MPDZ: variants seen among roughly 807,000 people sequenced by gnomAD.
MPDZ encodes multiple PDZ domain crumbs cell polarity complex component.
A neutral mutation model predicts 239.1 loss-of-function variants in MPDZ; 234 were observed. The observed-to-expected ratio is 0.98, with a 90% CI of 0.88 to 1.09. MPDZ has a LOEUF of 1.09. Ranked by LOEUF, MPDZ falls within the 50% of genes least tolerant of loss-of-function variation. The pLI is 0.00. For missense variants in MPDZ, 3,175 were observed against 2,510.0 expected (o/e 1.26, Z -5.66); for synonymous variants, 1,048 against 881.3 (o/e 1.19, Z -3.35).
intron 1 of MPDZ, among the ~76,000 whole-genome samples, chr9:13,250,645 T>A (rs1175811602): frequency 6.6e-6 from 1 of 152,158 alleles, no homozygotes; most frequent in Non-Finnish European, 1.5e-5. Flanking sequence ...CAAACATATT[T>A]CCATAAAGAG....
intron 31 of MPDZ, 96 bp from the exon 32 acceptor site, chr9:13,134,000 C>T (rs1430816257): frequency 1.8e-5 from 8 of 442,882 alleles, no homozygotes; most frequent in Non-Finnish European, 2.3e-5. Context: ...TTATTTTATA[C>T]ATTATATAAA....
intron 19 of MPDZ, among the ~76,000 whole-genome samples, chr9:13,176,634 C>G (rs925416749): frequency 2.6e-5 from 4 of 152,130 alleles, no homozygotes; most frequent in Non-Finnish European, 4.4e-5. Flanking sequence ...TCCTGAAAGT[C>G]ATACATCTCA....
At chr9:13,131,747 T>C (rs1318126071) in intron 32 of MPDZ, among the ~76,000 whole-genome samples, 1 of 152,190 alleles carries the variant, frequency 6.6e-6, no homozygotes, top group Non-Finnish European at 1.5e-5. Context: ...ACCAGCAGCA[T>C]GGCTTCTGTA....
At chr9:13,249,686 A>T (rs1026980053) in intron 2 of MPDZ, among the ~76,000 whole-genome samples, 7 of 152,304 alleles carry the variant, frequency 4.6e-5, no homozygotes, top group African/African-American at 1.4e-4. Flanking sequence ...AATGTCAGAT[A>T]ATTGCATGTA....
intron 22 of MPDZ, among the ~76,000 whole-genome samples, chr9:13,163,487 G>A (rs778220637): frequency 3.3e-5 from 5 of 152,102 alleles, no homozygotes; most frequent in African/African-American, 4.8e-5. Flanking sequence ...CCTATTATGC[G>A]GAAGACACTG....
chr9:13,254,236 T>A (rs1483564542), intron 1 of MPDZ, among the ~76,000 whole-genome samples: 2 of 152,222 alleles, frequency 1.3e-5, no homozygotes, highest in East Asian at 3.8e-4. Flanking sequence ...CAGAATTATG[T>A]ATATTAGAAA....
chr9:13,110,736 C>A lies in MPDZ; in HGVS notation c.5729G>T (p.Gly1910Val), dbSNP rs754208398. The change falls in exon 44 of 47, where the codon GGG (glycine) becomes GTG (valine). Residue 1910 changes from glycine (G) to valine (V), a missense_variant. Gly to Val is a moderately radical substitution (Grantham distance 109, BLOSUM62 -3). Coordinates refer to ENST00000319217, the MANE Select transcript of MPDZ (RefSeq NM_001378778.1). Reference sequence around the variant, plus strand: ...GCCACAGATGGTGACAATCCTATCCCCAACCTGCAAGGGAGAGAAAGAAAC... The same window carrying A: ...GCCACAGATGGTGACAATCCTATCCACAACCTGCAAGGGAGAGAAAGAAAC... ...VAAQTQKLRVGDRIVTICGTS... is the reference protein window; with the variant it reads ...VAAQTQKLRVVDRIVTICGTS... The A allele has an allele frequency of 4.3e-6, 7 of 1,612,140 alleles. No homozygotes were observed. Among genetic ancestry groups the A allele is most frequent in the Non-Finnish European group, 5.9e-6 (7 of 1,178,984 alleles).
intron 3 of MPDZ, among the ~76,000 whole-genome samples, chr9:13,243,600 A>G (rs912810544): frequency 3.3e-5 from 5 of 152,202 alleles, no homozygotes; most frequent in Non-Finnish European, 7.4e-5. Context: ...TACATCATGA[A>G]GATCTCATTT....
At position 13,119,637 on chromosome 9, in the gene MPDZ, T is replaced by A; in HGVS notation, c.5244A>T (p.Gly1748=). Reference sequence around the variant, plus strand: ...CTTTGACAATGTCTGACACAAATACTCCAGTATCGTTTCTACACACAATTT... The same window carrying A: ...CTTTGACAATGTCTGACACAAATACACCAGTATCGTTTCTACACACAATTT... ...LSIVGKRNDT[G]VFVSDIVKGG... The change falls in exon 39 of 47, where the codon GGA becomes GGT. Residue 1748 remains glycine (G), a synonymous_variant. Coordinates refer to ENST00000319217, the MANE Select transcript of MPDZ (RefSeq NM_001378778.1). 6.2e-7 allele frequency: 1 copy of A among 1,613,950 alleles called. No individual in the cohort carries two copies. The highest frequency in any genetic ancestry group is 8.5e-7 in the Non-Finnish European group (1 of 1,179,854).
intron 3 of MPDZ, among the ~76,000 whole-genome samples, chr9:13,240,626 G>C: frequency 8.4e-6 from 1 of 119,552 alleles, no homozygotes; most frequent in African/African-American, 3.1e-5. Context: ...TTCAGGGTTA[G>C]ACAGACCTCA....
intron 1 of MPDZ, among the ~76,000 whole-genome samples, chr9:13,278,133 C>T (rs748343477): frequency 2.6e-5 from 4 of 152,198 alleles, no homozygotes; most frequent in African/African-American, 9.6e-5. Flanking sequence ...AAACTGTCTA[C>T]AAGGCAGGAC....
At chr9:13,272,034 G>A (rs915810044) in intron 1 of MPDZ, among the ~76,000 whole-genome samples, 3 of 152,104 alleles carry the variant, frequency 2.0e-5, no homozygotes, top group South Asian at 2.1e-4. Flanking sequence ...GGAAACTTTC[G>A]GGGGTGATGG....
rs374745707 is a variant in MPDZ at position 13,176,314 on chromosome 9, G to A, written c.2753C>T (p.Ser918Leu). 3.0e-5 allele frequency: 48 copies of A among 1,609,308 alleles called. No homozygotes were observed. The highest frequency in any genetic ancestry group is 2.0e-4 in the Admixed American group (12 of 59,494). The part of the protein sequence containing the change: ...LLQRQDENTP[S>L]VDISMGPASG... The stretch of plus-strand genomic sequence containing the variant: ...AGCAGGCCCCATACTTATGTCCACC[G>A]AAGGTGTATTCTCATCCTGTCTTTG... The change falls in exon 20 of 47, where the codon TCG becomes TTG. Residue 918 changes from serine (S) to leucine (L), a missense_variant. Transcript: ENST00000319217.
chr9:13,236,299 CAG>C (rs1964041320), intron 3 of MPDZ, among the ~76,000 whole-genome samples: 1 of 61,588 alleles, frequency 1.6e-5, no homozygotes, highest in Non-Finnish European at 3.1e-5. Flanking sequence ...TTTTTTGAGA[CAG>C]AGTTTCACTC....
chr9:13,250,727 AC>A (rs1967730190), intron 1 of MPDZ, among the ~76,000 whole-genome samples: 1 of 150,342 alleles, frequency 6.7e-6, no homozygotes, highest in Non-Finnish European at 1.5e-5. Context: ...AGCTTACTTA[AC>A]TCCACATAAG....
chr9:13,128,019 A>C (rs991128299), intron 32 of MPDZ, among the ~76,000 whole-genome samples: 1 of 152,124 alleles, frequency 6.6e-6, no homozygotes, highest in Non-Finnish European at 1.5e-5. Context: ...ACTGCTTCCC[A>C]TCTTACCCCT....
chr9:13,171,580 T>C (rs1349835755), intron 21 of MPDZ, among the ~76,000 whole-genome samples: 1 of 152,124 alleles, frequency 6.6e-6, no homozygotes, highest in African/African-American at 2.4e-5. Context: ...CACCACATTA[T>C]TAAGCAAGGG....
intron 1 of MPDZ, among the ~76,000 whole-genome samples, chr9:13,275,995 C>G (rs1328808704): frequency 6.6e-6 from 1 of 152,166 alleles, no homozygotes; most frequent in Non-Finnish European, 1.5e-5. Flanking sequence ...ATTTACTAAC[C>G]TCAATGATAA....
rs201944421 is a variant in MPDZ at position 13,140,145 on chromosome 9, G to A, written c.3845C>T (p.Pro1282Leu). 33 of 1,612,602 alleles carry A rather than the reference G, an allele frequency of 2.0e-5. No individual in the cohort carries two copies. Among genetic ancestry groups the A allele is most frequent in the East Asian group, 1.1e-4 (5 of 44,698 alleles). ...DSLQINADKAPSQSESEPEKA... is the reference protein window; with the variant it reads ...DSLQINADKALSQSESEPEKA... The stretch of plus-strand genomic sequence containing the variant: ...CTCTGGCTCTGACTCTGACTGACTG[G>A]GTGCCTGTGGGAACAAAAAGAATGC... The change falls in exon 28 of 47, where the codon CCC becomes CTC. Residue 1282 changes from proline to leucine, a missense_variant. Physicochemically the swap from Pro to Leu is moderately conservative, Grantham distance 98 (BLOSUM62 -3). Coordinates refer to ENST00000319217, the MANE Select transcript of MPDZ (RefSeq NM_001378778.1).
Sources: gnomAD v4.1 joint callset for allele counts (sites outside exome capture counted in the v4.1 genomes callset) on GRCh38, gnomAD v4.1.1 for gene constraint, MANE v1.5 for transcripts, NCBI Gene and HGNC (gene_info 2026-07-23, HGNC 2026-07-21) for gene names.